The following SMYD3 variants were observed in gnomAD, a reference collection of about 807,000 sequenced individuals.
The protein encoded by SMYD3 is SET and MYND domain containing 3.
In SMYD3, 36 loss-of-function variants were observed where a neutral mutation model predicts 57.7. That is an observed-to-expected ratio of 0.62 (90% confidence interval 0.48 to 0.82). The LOEUF (loss-of-function observed/expected upper bound fraction) is 0.82. SMYD3 is among the 40% of genes least tolerant of loss of function. The probability of loss-of-function intolerance (pLI) is 0.00; values close to 1 mark genes in which losing one functional copy is unlikely to be tolerated. For missense variants in SMYD3, 515 were observed against 538.8 expected (o/e 0.96, Z 0.44); for synonymous variants, 211 against 195.0 (o/e 1.08, Z -0.68).
At chr1:246,342,491 A>G (rs879636595) in intron 2 of SMYD3, among the ~76,000 whole-genome samples, 17 of 152,234 alleles carry the variant, frequency 1.1e-4, no homozygotes, top group Non-Finnish European at 1.6e-4. Flanking sequence ...GAAAAGCTGG[A>G]ATCTGGGAAA....
chr1:246,263,769 A>G (rs1222746113), intron 5 of SMYD3, among the ~76,000 whole-genome samples: 1 of 152,198 alleles, frequency 6.6e-6, no homozygotes, highest in East Asian at 1.9e-4. Flanking sequence ...GCATGATCAA[A>G]CCTAAATAGT....
chr1:246,251,361 A>G (rs1174359571), intron 5 of SMYD3, among the ~76,000 whole-genome samples: 3 of 152,328 alleles, frequency 2.0e-5, no homozygotes, highest in East Asian at 3.9e-4. Flanking sequence ...TTATTTTGTA[A>G]TCGGGGCTTA....
chr1:246,426,742 T>C (rs1460947519), intron 1 of SMYD3, among the ~76,000 whole-genome samples: 1 of 152,304 alleles, frequency 6.6e-6, no homozygotes, highest in East Asian at 1.9e-4. Flanking sequence ...TCTTAGTGTC[T>C]TCCTAATAAA....
At chr1:246,404,178 T>C (rs1361436826) in intron 1 of SMYD3, among the ~76,000 whole-genome samples, 1 of 152,254 alleles carries the variant, frequency 6.6e-6, no homozygotes, top group African/African-American at 2.4e-5. Flanking sequence ...ACACATACCC[T>C]GGTGGCCACC....
At chr1:246,199,400 T>A (rs10754497) in intron 5 of SMYD3, among the ~76,000 whole-genome samples, 30,690 of 152,182 alleles carry the variant, frequency 0.2, 3,443 homozygotes, top group East Asian at 0.34. Context: ...GGAAATCACT[T>A]AATAATTCTT....
intron 5 of SMYD3, among the ~76,000 whole-genome samples, chr1:246,037,069 A>G (rs1471312457): frequency 3.3e-5 from 5 of 152,136 alleles, no homozygotes; most frequent in South Asian, 2.1e-4. Context: ...GGTTATCTCC[A>G]TTGTATTCCT....
At chr1:246,133,448 C>A (rs1456954415) in intron 5 of SMYD3, among the ~76,000 whole-genome samples, 3 of 152,088 alleles carry the variant, frequency 2.0e-5, no homozygotes, top group African/African-American at 7.2e-5. Flanking sequence ...ATAAATACTT[C>A]TAAAGACCTG....
At chr1:246,317,262 G>C (rs1210595993) in intron 5 of SMYD3, among the ~76,000 whole-genome samples, 1 of 152,184 alleles carries the variant, frequency 6.6e-6, no homozygotes, top group African/African-American at 2.4e-5. Context: ...GACCAGCAAT[G>C]TAAACCGACA....
intron 1 of SMYD3, among the ~76,000 whole-genome samples, chr1:246,481,607 T>TATATATATATATATATATATATATATAC (rs1156393004): frequency 0.024 from 1,505 of 61,604 alleles, 248 homozygotes; most frequent in East Asian, 0.047. Context: ...TATATATATA[T>TATATATATATATATATATATATATATAC]ACACATACAT....
chr1:245,854,360 T>C (rs937269494), intron 10 of SMYD3, among the ~76,000 whole-genome samples: 69 of 152,320 alleles, frequency 4.5e-4, no homozygotes, highest in Non-Finnish European at 2.1e-4. Flanking sequence ...CACTTAGGAA[T>C]TTCTCATGTG....
Position 246,327,333 on chromosome 1 carries a change from A to T in SMYD3, c.399T>A (p.Ile133=). ...LYSFYDLESN[I]NKLTEDKKEG... ...CTTTCTTATCTTCAGTCAGTTTGTT[A>T]ATATCTTTTTTAAAGAGAAAATAAA... Residue 133 remains isoleucine, a synonymous_variant, in exon 5 of 12, where the codon ATT becomes ATA. Transcript: ENST00000490107. The T allele has an allele frequency of 6.2e-7, 1 of 1,607,472 alleles. No individual in the cohort carries two copies. The highest frequency in any genetic ancestry group is 1.1e-5 in the South Asian group (1 of 89,630).
chr1:246,238,970 G>A (rs1331843692), intron 5 of SMYD3, among the ~76,000 whole-genome samples: 1 of 149,596 alleles, frequency 6.7e-6, no homozygotes, highest in Non-Finnish European at 1.5e-5. Context: ...TGCAAGTAGA[G>A]ATGCCTGATG....
chr1:246,324,334 G>A (rs1225139626), intron 5 of SMYD3, among the ~76,000 whole-genome samples: 1 of 149,304 alleles, frequency 6.7e-6, no homozygotes, highest in Non-Finnish European at 1.5e-5. Flanking sequence ...AGAATCGCTT[G>A]AACCCGGGAG....
intron 10 of SMYD3, among the ~76,000 whole-genome samples, chr1:245,830,241 A>C (rs2049753725): frequency 6.6e-6 from 1 of 152,220 alleles, no homozygotes; most frequent in South Asian, 2.1e-4. Flanking sequence ...GTAATTTTTA[A>C]AGGAAAGAAG....
intron 1 of SMYD3, among the ~76,000 whole-genome samples, chr1:246,463,661 C>T (rs1360793844): frequency 1.4e-5 from 1 of 73,126 alleles, no homozygotes; most frequent in East Asian, 4.2e-4. Flanking sequence ...ACTAAAAATA[C>T]AAAAAAAAAA....
Position 246,362,441 on chromosome 1 carries a change from GTCTCCCTCTCCC to G in SMYD3, c.165-7359_165-7348del, listed in dbSNP as rs149605399. ...TCCCTCTCCCTCTCCCTTTCCCACG[GTCTCCCTCTCCC>G]TCTCCCTCTCCACGGTCTCCCTCTC... is the stretch of plus-strand genomic sequence containing the variant. On this transcript the variant is annotated intron_variant, in intron 1 of 11. Coordinates refer to ENST00000490107, the MANE Select transcript of SMYD3 (RefSeq NM_001167740.2). Among the ~76,000 whole-genome samples, 3 of 67,502 alleles carry G rather than the reference GTCTCCCTCTCCC, an allele frequency of 4.4e-5. No homozygotes were observed. The East Asian group carries it at 7.9e-4, about 18-fold the overall frequency. 44.3% of individuals were successfully genotyped at this position (67,502 alleles called of 152,430 possible).
At chr1:246,074,898 A>G (rs1165644535) in intron 5 of SMYD3, among the ~76,000 whole-genome samples, 1 of 147,076 alleles carries the variant, frequency 6.8e-6, no homozygotes, top group African/African-American at 2.6e-5. Context: ...CCAATATAAT[A>G]GCATGCTAAA....
At chr1:245,851,004 ACTAGATTCT>A (rs994000310) in intron 10 of SMYD3, among the ~76,000 whole-genome samples, 1 of 152,020 alleles carries the variant, frequency 6.6e-6, no homozygotes, top group African/African-American at 2.4e-5. Context: ...AATCAGAGGC[ACTAGATTCT>A]CTATATGAGG....
intron 5 of SMYD3, among the ~76,000 whole-genome samples, chr1:246,039,905 A>G (rs1362946189): frequency 6.6e-6 from 1 of 152,218 alleles, no homozygotes; most frequent in Non-Finnish European, 1.5e-5. Context: ...AAGGGATATG[A>G]GAAGAAGAGT....
Sources: gnomAD v4.1 joint callset for allele counts (sites outside exome capture counted in the v4.1 genomes callset) on GRCh38, gnomAD v4.1.1 for gene constraint, MANE v1.5 for transcripts, NCBI Gene and HGNC (gene_info 2026-07-23, HGNC 2026-07-21) for gene names.